Variants in ZNF397 observed in about 807,000 individuals in gnomAD.
ZNF397 encodes zinc finger and SCAN domain-containing protein 15.
A neutral mutation model predicts 50.6 loss-of-function variants in ZNF397; 38 were observed. The ratio of observed to expected loss-of-function variants is 0.75; its 90% confidence interval spans 0.58 to 0.98. The LOEUF (loss-of-function observed/expected upper bound fraction) is 0.98. ZNF397 is among the 50% of genes least tolerant of loss of function. The pLI is 0.00. For missense variants in ZNF397, 624 were observed against 624.1 expected, an observed-to-expected ratio of 1.00 and a Z score of 0.00; for synonymous variants, 228 against 215.2, an observed-to-expected ratio of 1.06 and a Z score of -0.52.
chr18:35,242,493 T>C lies in ZNF397; in HGVS notation c.23T>C (p.Ile8Thr). MAVESGV[I>T]STLIPQDPPE... ...AGAATGGCTGTGGAATCTGGAGTGA[T>C]TTCAACCCTGATACCTCAGGATCCT... The change falls in exon 2 of 4, where the codon ATT (isoleucine) becomes ACT (threonine). Residue 8 changes from isoleucine (I) to threonine (T), a missense_variant. Transcript: ENST00000330501. 1 of 1,613,782 alleles carries C rather than the reference T, an allele frequency of 6.2e-7. No individual in the cohort carries two copies. The highest frequency in any genetic ancestry group is 8.5e-7 in the Non-Finnish European group (1 of 1,179,782).
chr18:35,245,717 G>A lies in ZNF397; in HGVS notation c.1012G>A (p.Glu338Lys). 6.4e-7 allele frequency: 1 copy of A among 1,552,118 alleles called. No homozygotes were observed. Among genetic ancestry groups the A allele is most frequent in the Non-Finnish European group, 8.7e-7 (1 of 1,147,184 alleles). ...TATTCATCAGAGAATTCATAGTGGT[G>A]AGAAAGCATATGAATGTAGTGAATG... ...LIIHQRIHSG[E>K]KAYECSECGK... The change falls in exon 4 of 4, where the codon GAG (glutamate) becomes AAG (lysine). Residue 338 changes from glutamate (E) to lysine (K), a missense_variant. By Grantham distance (56) the Glu-to-Lys change is moderately conservative. Coordinates refer to ENST00000330501, the MANE Select transcript of ZNF397 (RefSeq NM_001135178.3).
downstream of ZNF397, chr18:35,253,375 T>A: frequency 7.5e-7 from 1 of 1,336,334 alleles, no homozygotes; most frequent in South Asian, 1.6e-5. Context: ...CTCAGGAAAC[T>A]TTTCTTTTCT....
At chr18:35,255,103 CAAAG>C (rs962475942) in intron 5 of ZNF397, 10 of 151,712 alleles carry the variant, frequency 6.6e-5, no homozygotes, top group African/African-American at 9.7e-5. Context: ...GTATAAGTAT[CAAAG>C]AAGGGGATGG....
chr18:35,243,366 A>G, intron 3 of ZNF397, 73 bp downstream of exon 3: 5 of 1,605,306 alleles, frequency 3.1e-6, no homozygotes, highest in Non-Finnish European at 2.6e-6. Flanking sequence ...AATTAATTGC[A>G]CTTGACAAAC....
At position 35,242,663 on chromosome 18, in the gene ZNF397, C is replaced by T. The variant is rs746451352; in HGVS notation, c.193C>T (p.Arg65Trp). Residue 65 changes from arginine (R) to tryptophan (W), a missense_variant, in exon 2 of 4, where the codon CGG becomes TGG. Physicochemically the swap from Arg to Trp is moderately radical, Grantham distance 101. Coordinates refer to ENST00000330501, the MANE Select transcript of ZNF397 (RefSeq NM_001135178.3). ...TTGCTACCAGGAGACACCTGGGCCC[C>T]GGGAGGCTCTGAGCCGACTCCAGGA... The part of the protein sequence containing the change: ...KFCYQETPGP[R>W]EALSRLQELC... 9 of 1,614,196 alleles carry T rather than the reference C, an allele frequency of 5.6e-6. No homozygotes were observed. The highest frequency in any genetic ancestry group is 4.4e-5 in the South Asian group (4 of 91,074).
intron 5 of ZNF397, among the ~76,000 whole-genome samples, chr18:35,256,010 A>C (rs1309242128): frequency 6.6e-6 from 1 of 152,230 alleles, no homozygotes; most frequent in Non-Finnish European, 1.5e-5. Context: ...ATAAAGTGGC[A>C]ATATAATTGT....
chr18:35,242,645 C>G lies in ZNF397; in HGVS notation c.175C>G (p.Gln59Glu). 6.2e-7 allele frequency: 1 copy of G among 1,614,186 alleles called. No individual in the cohort carries two copies. Among genetic ancestry groups the G allele is most frequent in the Non-Finnish European group, 8.5e-7 (1 of 1,180,036 alleles). Reference sequence around the variant, plus strand: ...TCAGCAATTCAGAAAATTTTGCTACCAGGAGACACCTGGGCCCCGGGAGGC... The same window carrying G: ...TCAGCAATTCAGAAAATTTTGCTACGAGGAGACACCTGGGCCCCGGGAGGC... ...FRQQFRKFCYQETPGPREALS... is the reference protein window; with the variant it reads ...FRQQFRKFCYEETPGPREALS... The change falls in exon 2 of 4, where the codon CAG becomes GAG. Residue 59 changes from glutamine (Q) to glutamate (E), a missense_variant. Transcript: ENST00000330501.
exon 6 of ZNF397, chr18:35,258,061 G>A (rs2043901050): frequency 2.6e-6 from 2 of 770,590 alleles, no homozygotes; most frequent in African/African-American, 1.7e-5. Context: ...TTGTAAAAAT[G>A]GCATGGTGAC....
At chr18:35,253,795 A>G (rs1184963938), downstream of ZNF397, 6 of 1,614,068 alleles carry the variant, frequency 3.7e-6, no homozygotes, top group African/African-American at 8.0e-5. Context: ...GCTTCTCTCC[A>G]GTGTGGATTC....
Position 35,245,496 on chromosome 18 carries a change from G to A in ZNF397, c.791G>A (p.Arg264Lys), listed in dbSNP as rs759467213. 6.4e-7 allele frequency: 1 copy of A among 1,552,500 alleles called. No homozygotes were observed. Among genetic ancestry groups the A allele is most frequent in the Non-Finnish European group, 8.7e-7 (1 of 1,147,212 alleles). ...GKRDLYDEAE[R>K]CLILTTDSIM... ...AGAGACCTTTATGATGAGGCTGAAA[G>A]ATGCTTGATTCTAACTACAGACTCT... The change falls in exon 4 of 4, where the codon AGA (arginine) becomes AAA (lysine). Residue 264 changes from arginine (R) to lysine (K), a missense_variant. Arg to Lys is a conservative substitution (Grantham distance 26, BLOSUM62 2). Transcript: ENST00000330501.
At position 35,245,932 on chromosome 18, in the gene ZNF397, C is replaced by T. The variant is rs901337375; in HGVS notation, c.1227C>T (p.Ser409=). ...CNECGKTFSQ[S]SKLIRHQRIH... is the part of the protein sequence containing the mutation. ...AATGTGGGAAAACCTTTAGCCAGAG[C>T]TCAAAACTCATTAGACATCAGCGAA... is the stretch of plus-strand genomic sequence containing the variant. The change falls in exon 4 of 4, where the codon AGC becomes AGT. Residue 409 remains serine (S), a synonymous_variant. Transcript: ENST00000330501. The T allele has an allele frequency of 6.3e-7, 1 of 1,576,594 alleles. No individual in the cohort carries two copies. The highest frequency in any genetic ancestry group is 8.6e-7 in the Non-Finnish European group (1 of 1,161,022).
At chr18:35,241,206 C>T (rs2143570373) in intron 1 of ZNF397, 97 bp downstream of exon 1, 1 of 152,328 alleles carries the variant, frequency 6.6e-6, no homozygotes, top group Non-Finnish European at 1.5e-5. Context: ...ATCCCCAGGT[C>T]GCGGCCCTTT....
downstream of ZNF397, chr18:35,250,999 T>G (rs1598591585): frequency 6.6e-6 from 1 of 152,230 alleles, no homozygotes; most frequent in East Asian, 1.9e-4. Flanking sequence ...CCCATCGTCC[T>G]AGCATTATCT....
At chr18:35,250,533 A>T (rs2043560485), downstream of ZNF397, among the ~76,000 whole-genome samples, 1 of 152,212 alleles carries the variant, frequency 6.6e-6, no homozygotes, top group Non-Finnish European at 1.5e-5. Context: ...TAGTGTACTT[A>T]ACTTTGATTT....
At position 35,245,431 on chromosome 18, in the gene ZNF397, T is replaced by C; in HGVS notation, c.726T>C (p.Ser242=). 1 of 1,564,760 alleles carries C rather than the reference T, an allele frequency of 6.4e-7. No homozygotes were observed. Among genetic ancestry groups the C allele is most frequent in the Non-Finnish European group, 8.7e-7 (1 of 1,154,242 alleles). Residue 242 remains serine (S), a synonymous_variant, in exon 4 of 4, where the codon AGT becomes AGC. Coordinates refer to ENST00000330501, the MANE Select transcript of ZNF397 (RefSeq NM_001135178.3). ...TAAGATCTCCTTCCCAAGGGGGCAG[T>C]TTTAGTCAAGTGATCTTCACAAACA... ...EKLRSPSQGG[S]FSQVIFTNKS...
chr18:35,255,430 G>A (rs1184589604), intron 5 of ZNF397, among the ~76,000 whole-genome samples: 1 of 151,966 alleles, frequency 6.6e-6, no homozygotes, highest in South Asian at 2.1e-4. Context: ...TCAGGAAACT[G>A]AGGCTCAGAG....
Position 35,245,763 on chromosome 18 carries a change from G to A in ZNF397, c.1058G>A (p.Ser353Asn), listed in dbSNP as rs930186276. 2.6e-6 allele frequency: 4 copies of A among 1,552,038 alleles called. No homozygotes were observed. In the African/African-American group the frequency reaches 5.5e-5, roughly 21 times the overall value. ...CSECGKAFNQ[S>N]SALIRHRKIH... ...GAATGTGGGAAAGCTTTCAATCAGA[G>A]CTCAGCCCTCATTAGACATCGGAAA... Residue 353 changes from serine to asparagine, a missense_variant, in exon 4 of 4, where the codon AGC becomes AAC. Transcript: ENST00000330501.
At position 35,246,818 on chromosome 18, in the gene ZNF397, T is replaced by C. The variant is rs2043490846; in HGVS notation, c.*508T>C. On this transcript the variant is annotated 3_prime_UTR_variant, in exon 4 of 4. Coordinates refer to ENST00000330501, the MANE Select transcript of ZNF397 (RefSeq NM_001135178.3). ...AGCCCAGGGCAGGCCAGGAATTAGA[T>C]AGGCATGAGAAGAAAGAATATAATT... The C allele has an allele frequency of 1.1e-6, 1 of 917,532 alleles. No homozygotes were observed. The highest frequency in any genetic ancestry group is 1.3e-6 in the Non-Finnish European group (1 of 783,884). 56.8% of individuals were successfully genotyped at this position (917,532 alleles called of 1,614,324 possible).
In ZNF397 at chr18:35,243,213, C is replaced by T; in HGVS notation, c.476C>T (p.Ser159Phe). 1 of 1,614,194 alleles carries T rather than the reference C, an allele frequency of 6.2e-7. No individual in the cohort carries two copies. Among genetic ancestry groups the T allele is most frequent in the Non-Finnish European group, 8.5e-7 (1 of 1,180,042 alleles). The change falls in exon 3 of 4, where the codon TCC becomes TTC. Residue 159 changes from serine to phenylalanine, a missense_variant. Ser to Phe is a radical substitution (Grantham distance 155). Coordinates refer to ENST00000330501, the MANE Select transcript of ZNF397 (RefSeq NM_001135178.3). ...PWKDLTCLRASQESTDIHLQP... is the reference protein window; with the variant it reads ...PWKDLTCLRAFQESTDIHLQP... ...AAGGATTTAACATGTCTCAGAGCAT[C>T]CCAAGAGTCAACAGACATCCACCTC...
Sources: gnomAD v4.1 joint callset for allele counts (sites outside exome capture counted in the v4.1 genomes callset) on GRCh38, gnomAD v4.1.1 for gene constraint, MANE v1.5 for transcripts, NCBI Gene and HGNC (gene_info 2026-07-23, HGNC 2026-07-21) for gene names.